Variants in C1orf105 observed in about 807,000 individuals in gnomAD.
C1orf105 encodes uncharacterized protein C1orf105.
A neutral mutation model predicts 20.8 loss-of-function variants in C1orf105; 17 were observed. The observed-to-expected ratio is 0.82, with a 90% confidence interval of 0.56 to 1.23. C1orf105 has a LOEUF of 1.23. C1orf105 is among the 50% of genes most tolerant of loss of function. The pLI is 0.00. For synonymous variants in C1orf105, 72 were observed against 72.1 expected (o/e 1.00, Z 0.01); for missense variants, 219 against 213.5 (o/e 1.03, Z -0.16).
At chr1:172,427,127 T>C (rs2071742992) in intron 1 of C1orf105, among the ~76,000 whole-genome samples, 1 of 152,142 alleles carries the variant, frequency 6.6e-6, no homozygotes, top group Non-Finnish European at 1.5e-5. Context: ...TTTCTCTCAC[T>C]CCCCTATCCT....
chr1:172,442,001 G>T, intron 1 of C1orf105: 7 of 1,614,232 alleles, frequency 4.3e-6, no homozygotes, highest in Non-Finnish European at 5.9e-6. Flanking sequence ...GCAAAAATCT[G>T]AATGGCAAAT....
chr1:172,464,004 T>A (rs1344864646), intron 5 of C1orf105, among the ~76,000 whole-genome samples: 1 of 152,246 alleles, frequency 6.6e-6, no homozygotes, highest in African/African-American at 2.4e-5. Context: ...TCTGTTTTCA[T>A]ACTTTTTAAG....
intron 6 of C1orf105, 88 bp downstream of exon 6, chr1:172,465,451 A>G (rs1223216884): frequency 1.0e-6 from 1 of 990,552 alleles, no homozygotes; most frequent in Non-Finnish European, 1.6e-6. Context: ...AATAATTTCT[A>G]AATTTCCTGA....
intron 1 of C1orf105, among the ~76,000 whole-genome samples, chr1:172,431,942 C>T (rs576490495): frequency 1.6e-4 from 25 of 152,256 alleles, no homozygotes; most frequent in African/African-American, 4.8e-4. Context: ...GATTCTCTCT[C>T]GTGCTTGGCT....
At chr1:172,459,390 T>C (rs569743452) in intron 4 of C1orf105, among the ~76,000 whole-genome samples, 26 of 152,112 alleles carry the variant, frequency 1.7e-4, no homozygotes, top group Non-Finnish European at 3.2e-4. Flanking sequence ...AAAGTTTCAA[T>C]AGACATTCTC....
chr1:172,453,512 T>C (rs1299990340), intron 3 of C1orf105, among the ~76,000 whole-genome samples: 6 of 152,198 alleles, frequency 3.9e-5, no homozygotes, highest in Admixed American at 3.3e-4. Flanking sequence ...TATATGTATT[T>C]TTCGTTTTAT....
chr1:172,452,650 CGCA>C (rs1206095878), intron 3 of C1orf105: 10 of 409,634 alleles, frequency 2.4e-5, no homozygotes, highest in Non-Finnish European at 3.0e-5. Context: ...CCTTAGACAC[CGCA>C]GCAGATATTG....
At chr1:172,450,754 G>C (rs567413294) in intron 3 of C1orf105, among the ~76,000 whole-genome samples, 1 of 152,332 alleles carries the variant, frequency 6.6e-6, no homozygotes, top group African/African-American at 2.4e-5. Context: ...AGGTGCACGT[G>C]TGCCTGGAGC....
intron 3 of C1orf105, among the ~76,000 whole-genome samples, chr1:172,450,713 C>G (rs983458388): frequency 7.2e-5 from 11 of 152,328 alleles, no homozygotes; most frequent in African/African-American, 2.6e-4. Flanking sequence ...CTTACTCCTC[C>G]CCTGCCCCGG....
intron 1 of C1orf105, chr1:172,443,139 T>C (rs1200875988): frequency 1.2e-5 from 2 of 168,464 alleles, no homozygotes; most frequent in African/African-American, 4.8e-5. Flanking sequence ...AGATTCAAGA[T>C]GCTTAAGTAA....
intron 3 of C1orf105, among the ~76,000 whole-genome samples, chr1:172,454,013 C>G (rs972203300): frequency 6.6e-5 from 10 of 152,162 alleles, no homozygotes; most frequent in Admixed American, 1.3e-4. Flanking sequence ...TTGCAATGCA[C>G]TTTGGGGATC....
intron 1 of C1orf105, chr1:172,443,037 C>A (rs1406957314): frequency 5.5e-6 from 1 of 180,606 alleles, no homozygotes; most frequent in Non-Finnish European, 1.3e-5. Flanking sequence ...TTATTGAGTA[C>A]CTACTATGTG....
chr1:172,445,820 C>A (rs1465927854), intron 2 of C1orf105, among the ~76,000 whole-genome samples: 1 of 151,926 alleles, frequency 6.6e-6, no homozygotes, highest in African/African-American at 2.4e-5. Flanking sequence ...ATGAGAGAAA[C>A]CAGAAAGAGG....
intron 5 of C1orf105, 24 bp from the exon 6 acceptor site, chr1:172,465,275 T>G: frequency 5.8e-6 from 9 of 1,557,536 alleles, no homozygotes; most frequent in Non-Finnish European, 8.0e-6. Context: ...TTGACTAATG[T>G]GTTTTCTTGT....
At chr1:172,434,142 C>T (rs922487004) in intron 1 of C1orf105, among the ~76,000 whole-genome samples, 2 of 152,184 alleles carry the variant, frequency 1.3e-5, no homozygotes, top group African/African-American at 4.8e-5. Context: ...TAGACTCCAA[C>T]ACAATAATAA....
At chr1:172,427,190 A>G (rs1348874338) in intron 1 of C1orf105, among the ~76,000 whole-genome samples, 1 of 152,226 alleles carries the variant, frequency 6.6e-6, no homozygotes, top group East Asian at 1.9e-4. Context: ...TGAAGCAATC[A>G]GAAAAGAACT....
intron 1 of C1orf105, among the ~76,000 whole-genome samples, chr1:172,439,879 G>A (rs2072163645): frequency 6.6e-6 from 1 of 152,116 alleles, no homozygotes; most frequent in African/African-American, 2.4e-5. Flanking sequence ...CTCTATTGAG[G>A]CACAAGCCCA....
At chr1:172,437,089 CAG>C (rs973714205) in intron 1 of C1orf105, among the ~76,000 whole-genome samples, 1 of 152,180 alleles carries the variant, frequency 6.6e-6, no homozygotes, top group African/African-American at 2.4e-5. Flanking sequence ...CAGGAAACAA[CAG>C]ATGCTGGAGA....
intron 1 of C1orf105, among the ~76,000 whole-genome samples, chr1:172,426,865 C>G (rs2149158268): frequency 6.6e-6 from 1 of 152,250 alleles, no homozygotes; most frequent in African/African-American, 2.4e-5. Flanking sequence ...TACCTGTCTC[C>G]CTTGCCCTTC....
Sources: allele counts gnomAD v4.1 joint callset (sites outside exome capture counted in the v4.1 genomes callset), GRCh38; gene constraint gnomAD v4.1.1; transcripts MANE v1.5; gene names NCBI Gene and HGNC (gene_info 2026-07-23, HGNC 2026-07-21).